The following GRM8 variants were observed in gnomAD, a reference collection of about 807,000 sequenced individuals.
GRM8 encodes the protein glutamate metabotropic receptor 8.
A neutral mutation model predicts 87.2 loss-of-function variants in GRM8; 47 were observed. That is an observed-to-expected ratio of 0.54 (90% CI 0.43 to 0.69). The LOEUF (loss-of-function observed/expected upper bound fraction) is 0.69. GRM8 is among the 30% of genes least tolerant of loss of function. GRM8 has a pLI of 0.00. For synonymous variants in GRM8, 396 were observed against 404.5 expected (o/e 0.98, Z 0.25); for missense variants, 1,019 against 1,139.2 (o/e 0.89, Z 1.52).
chr7:126,896,831 G>A (rs1237272472), intron 6 of GRM8, among the ~76,000 whole-genome samples: 9 of 152,106 alleles, frequency 5.9e-5, no homozygotes, highest in Non-Finnish European at 1.3e-4. Context: ...CTGTATGCAG[G>A]CTAAGCAGCA....
At chr7:126,933,954 G>A (rs2131467158) in intron 3 of GRM8, among the ~76,000 whole-genome samples, 1 of 152,268 alleles carries the variant, frequency 6.6e-6, no homozygotes, top group African/African-American at 2.4e-5. Context: ...TTAAGCCCTT[G>A]ATATATTTGT....
intron 7 of GRM8, among the ~76,000 whole-genome samples, chr7:126,694,475 T>C (rs1809163679): frequency 1.3e-5 from 2 of 152,232 alleles, no homozygotes; most frequent in African/African-American, 4.8e-5. Context: ...AAGACACTTT[T>C]AATGGAAGCT....
chr7:127,240,679 G>C (rs1174939140), intron 2 of GRM8, among the ~76,000 whole-genome samples: 1 of 152,158 alleles, frequency 6.6e-6, no homozygotes, highest in Non-Finnish European at 1.5e-5. Flanking sequence ...CAGTTGCTAA[G>C]TTAAAAATAG....
chr7:126,737,231 T>A (rs1307648414), intron 7 of GRM8, among the ~76,000 whole-genome samples: 2 of 152,050 alleles, frequency 1.3e-5, no homozygotes, highest in Non-Finnish European at 2.9e-5. Context: ...CCAGACCCTG[T>A]ACTTGATAGA....
chr7:126,867,812 G>A (rs1798734585), intron 6 of GRM8, among the ~76,000 whole-genome samples: 1 of 152,130 alleles, frequency 6.6e-6, no homozygotes, highest in Admixed American at 6.5e-5. Context: ...AGTGTGCAGT[G>A]TTTGAACCAG....
chr7:126,869,885 C>A (rs942531321), intron 6 of GRM8: 18 of 135,736 alleles, frequency 1.3e-4, no homozygotes, highest in African/African-American at 4.2e-4. Flanking sequence ...AGAAGATCAG[C>A]TTGTCCTTTG....
intron 8 of GRM8, among the ~76,000 whole-genome samples, chr7:126,608,164 C>T (rs1798554837): frequency 6.6e-6 from 1 of 151,742 alleles, no homozygotes. Flanking sequence ...GCCCTGTGCA[C>T]TGATTTCCTG....
intron 7 of GRM8, among the ~76,000 whole-genome samples, chr7:126,619,727 G>A (rs866248383): frequency 6.6e-6 from 1 of 152,014 alleles, no homozygotes; most frequent in Non-Finnish European, 1.5e-5. Context: ...GTCTCCCTCT[G>A]TCACTCAGGC....
At chr7:126,885,339 A>T (rs949263274) in intron 6 of GRM8, among the ~76,000 whole-genome samples, 5 of 152,172 alleles carry the variant, frequency 3.3e-5, no homozygotes, top group African/African-American at 1.2e-4. Flanking sequence ...GAACTGTCTC[A>T]ACCCAGAACT....
At chr7:126,677,964 G>A (rs1329662030) in intron 7 of GRM8, among the ~76,000 whole-genome samples, 3 of 152,226 alleles carry the variant, frequency 2.0e-5, no homozygotes, top group East Asian at 1.9e-4. Flanking sequence ...ATGGAATCCC[G>A]ACTGATAACT....
intron 3 of GRM8, among the ~76,000 whole-genome samples, chr7:127,025,676 C>G (rs1816709053): frequency 6.6e-6 from 1 of 151,894 alleles, no homozygotes; most frequent in Non-Finnish European, 1.5e-5. Context: ...GTGTACCACT[C>G]ACTGGAAGTC....
At chr7:126,831,680 C>T (rs568811291) in intron 6 of GRM8, among the ~76,000 whole-genome samples, 34 of 152,270 alleles carry the variant, frequency 2.2e-4, no homozygotes, top group Non-Finnish European at 3.1e-4. Context: ...TGCCCTGCTT[C>T]AGCTGGTGCA....
At chr7:126,504,638 C>T (rs542361949) in intron 9 of GRM8, among the ~76,000 whole-genome samples, 1 of 151,956 alleles carries the variant, frequency 6.6e-6, no homozygotes, top group South Asian at 2.1e-4. Flanking sequence ...CACATGTGCC[C>T]CTGAACCCAA....
intron 8 of GRM8, among the ~76,000 whole-genome samples, chr7:126,607,593 G>A (rs967414790): frequency 2.6e-5 from 4 of 152,176 alleles, no homozygotes; most frequent in Non-Finnish European, 4.4e-5. Flanking sequence ...CTAGAGGAAA[G>A]AGTGAATTAC....
intron 3 of GRM8, among the ~76,000 whole-genome samples, chr7:126,916,022 CA>C (rs1803862591): frequency 6.6e-6 from 1 of 152,070 alleles, no homozygotes; most frequent in South Asian, 2.1e-4. Context: ...GACTCTGCAG[CA>C]AAAAATACAA....
intron 2 of GRM8, among the ~76,000 whole-genome samples, chr7:127,216,375 G>A (rs1290840752): frequency 2.6e-4 from 40 of 151,264 alleles, no homozygotes; most frequent in Admixed American, 5.9e-4. Context: ...AAAATTAGCC[G>A]GGCATGGTGG....
intron 6 of GRM8, among the ~76,000 whole-genome samples, chr7:126,868,530 A>G (rs1280169432): frequency 6.6e-6 from 1 of 152,240 alleles, no homozygotes; most frequent in Non-Finnish European, 1.5e-5. Flanking sequence ...TGTGTCTGCC[A>G]TCCTTTGGGA....
chr7:127,191,680 C>T (rs1357352093), intron 2 of GRM8, among the ~76,000 whole-genome samples: 1 of 152,088 alleles, frequency 6.6e-6, no homozygotes, highest in Non-Finnish European at 1.5e-5. Context: ...TAGAAAATTG[C>T]TTGTGTACTA....
intron 9 of GRM8, among the ~76,000 whole-genome samples, chr7:126,475,329 AAAT>A (rs1805774846): frequency 6.6e-6 from 1 of 152,152 alleles, no homozygotes; most frequent in Non-Finnish European, 1.5e-5. Flanking sequence ...TCTATACACT[AAAT>A]AACAAACTAT....
Sources: gnomAD v4.1 joint callset for allele counts (sites outside exome capture counted in the v4.1 genomes callset) on GRCh38, gnomAD v4.1.1 for gene constraint, MANE v1.5 for transcripts, NCBI Gene and HGNC (gene_info 2026-07-23, HGNC 2026-07-21) for gene names.